The following RANBP2 variants were observed in gnomAD, a reference collection of about 807,000 sequenced individuals.
RANBP2 encodes RAN binding protein 2, also known as E3 SUMO-protein ligase RanBP2.
Under a neutral mutation model 303.6 loss-of-function variants are expected in RANBP2, and 57 were observed. That is an observed-to-expected ratio of 0.19 (90% CI 0.15 to 0.23). The LOEUF is 0.23. Among genes scored for constraint, RANBP2 ranks in the 10% least tolerant of loss-of-function variants. The pLI is 1.00. For synonymous variants in RANBP2, 1,167 were observed against 1,301.5 expected, an observed-to-expected ratio of 0.90 and a Z score of 2.23; for missense variants, 3,138 against 3,780.8, an observed-to-expected ratio of 0.83 and a Z score of 4.46.
the RANBP2 span, among the ~76,000 whole-genome samples, chr2:109,053,602 A>C: frequency 6.6e-6 from 1 of 152,184 alleles, no homozygotes; most frequent in African/African-American, 2.4e-5. Flanking sequence ...GCTGGTGATG[A>C]GTCCTAGGCT....
At chr2:109,634,429 G>C in the RANBP2 span, among the ~76,000 whole-genome samples, 6 of 152,326 alleles carry the variant, frequency 3.9e-5, no homozygotes, top group Admixed American at 3.3e-4. Flanking sequence ...ACATCACTGA[G>C]GGCCAGGAGG....
chr2:108,838,222 G>A, the RANBP2 span, among the ~76,000 whole-genome samples: 1 of 152,134 alleles, frequency 6.6e-6, no homozygotes, highest in African/African-American at 2.4e-5. Context: ...TCTAGGCCGA[G>A]CACTTTGCTG....
chr2:109,030,446 G>A, the RANBP2 span, among the ~76,000 whole-genome samples: 21 of 152,216 alleles, frequency 1.4e-4, no homozygotes, highest in Non-Finnish European at 2.5e-4. Flanking sequence ...TGCCAAATGT[G>A]ATAATGTGTA....
chr2:109,334,358 TAAAA>T, the RANBP2 span, among the ~76,000 whole-genome samples: 5 of 126,118 alleles, frequency 4.0e-5, no homozygotes, highest in South Asian at 5.3e-4. Context: ...TTTTTTCCTT[TAAAA>T]AAAAAAAAAA....
the RANBP2 span, among the ~76,000 whole-genome samples, chr2:109,453,147 C>T: frequency 6.6e-6 from 1 of 152,148 alleles, no homozygotes; most frequent in Non-Finnish European, 1.5e-5. Context: ...AGTTCTTTCT[C>T]CAGACCCATT....
At chr2:109,683,075 G>A in the RANBP2 span, among the ~76,000 whole-genome samples, 9 of 152,034 alleles carry the variant, frequency 5.9e-5, no homozygotes, top group East Asian at 5.8e-4. Context: ...GCGTGATGTC[G>A]GCTCACTGCA....
intron 18 of RANBP2, among the ~76,000 whole-genome samples, chr2:108,760,590 GTT>G (rs1218874533): frequency 6.6e-6 from 1 of 152,020 alleles, no homozygotes; most frequent in Non-Finnish European, 1.5e-5. Flanking sequence ...TGACTTACTG[GTT>G]TATAAAATCC....
the RANBP2 span, among the ~76,000 whole-genome samples, chr2:109,172,332 C>T: frequency 6.6e-6 from 1 of 152,216 alleles, no homozygotes; most frequent in Admixed American, 6.5e-5. Flanking sequence ...CGTGGAAATG[C>T]GCGAGCCAGC....
the RANBP2 span, among the ~76,000 whole-genome samples, chr2:109,491,355 C>T: frequency 2.0e-5 from 3 of 152,208 alleles, no homozygotes; most frequent in African/African-American, 7.2e-5. Flanking sequence ...CAAGCCTCAA[C>T]CCACTCGGCG....
the RANBP2 span, among the ~76,000 whole-genome samples, chr2:109,522,294 C>CTTT: frequency 2.1e-5 from 3 of 142,952 alleles, no homozygotes; most frequent in East Asian, 2.0e-4. Flanking sequence ...AAAAAAAAAC[C>CTTT]TTTTTTTTTT....
chr2:108,733,275 T>G (rs1326570665), intron 4 of RANBP2, among the ~76,000 whole-genome samples: 10 of 141,332 alleles, frequency 7.1e-5, no homozygotes. Flanking sequence ...TTTTTTTTTT[T>G]TTTTTTTTGA....
At chr2:108,748,676 T>C (rs1023722883) in intron 8 of RANBP2, among the ~76,000 whole-genome samples, 1 of 152,200 alleles carries the variant, frequency 6.6e-6, no homozygotes, top group Non-Finnish European at 1.5e-5. Context: ...TTGGCATTTT[T>C]CATACACATT....
At chr2:109,030,889 GT>G in the RANBP2 span, among the ~76,000 whole-genome samples, 3 of 152,108 alleles carry the variant, frequency 2.0e-5, no homozygotes, top group South Asian at 2.1e-4. Context: ...GACTTTGGCA[GT>G]TTTTTAACAT....
chr2:109,139,771 A>G, the RANBP2 span, among the ~76,000 whole-genome samples: 2 of 152,332 alleles, frequency 1.3e-5, no homozygotes, highest in Admixed American at 1.3e-4. Context: ...CAGCCCATTG[A>G]ACAATGGAGT....
At chr2:109,034,036 T>TGGATCACGA in the RANBP2 span, among the ~76,000 whole-genome samples, 1 of 146,962 alleles carries the variant, frequency 6.8e-6, no homozygotes, top group Non-Finnish European at 1.5e-5. Context: ...GCCAGGTGGG[T>TGGATCACGA]GGATCACGAG....
chr2:109,636,810 C>G, the RANBP2 span, among the ~76,000 whole-genome samples: 1 of 152,098 alleles, frequency 6.6e-6, no homozygotes, highest in Non-Finnish European at 1.5e-5. Context: ...TGTTGGTGGG[C>G]ACCTATAATC....
the RANBP2 span, among the ~76,000 whole-genome samples, chr2:109,132,844 G>A: frequency 2.0e-5 from 3 of 152,216 alleles, no homozygotes; most frequent in Non-Finnish European, 2.9e-5. Context: ...TTTCAGTGCA[G>A]TGGGAGTCTT....
the RANBP2 span, among the ~76,000 whole-genome samples, chr2:109,214,933 C>T: frequency 1.3e-5 from 2 of 152,290 alleles, no homozygotes; most frequent in East Asian, 1.9e-4. Flanking sequence ...GAGCTCTGCA[C>T]CAGCTGTAGT....
At chr2:108,738,536 A>G (rs1351982501) in intron 6 of RANBP2, among the ~76,000 whole-genome samples, 1 of 151,622 alleles carries the variant, frequency 6.6e-6, no homozygotes, top group Non-Finnish European at 1.5e-5. Flanking sequence ...TATGTGGGTT[A>G]TTTCTATCAG....
Sources: gnomAD v4.1 joint callset for allele counts (sites outside exome capture counted in the v4.1 genomes callset) on GRCh38, gnomAD v4.1.1 for gene constraint, MANE v1.5 for transcripts, NCBI Gene and HGNC (gene_info 2026-07-23, HGNC 2026-07-21) for gene names.